DENND1A: variants seen among roughly 807,000 people sequenced by gnomAD.
DENND1A encodes the protein DENN domain-containing protein 1A.
A neutral mutation model predicts 113.7 loss-of-function variants in DENND1A; 51 were observed. The ratio of observed to expected loss-of-function variants is 0.45; its 90% CI spans 0.36 to 0.57. The LOEUF (loss-of-function observed/expected upper bound fraction) is 0.57, where lower values mean the gene tolerates loss of function less well. Among genes scored for constraint, DENND1A ranks in the 20% least tolerant of loss-of-function variants. DENND1A has a pLI of 0.00. For missense variants in DENND1A, 1,258 were observed against 1,395.9 expected, an observed-to-expected ratio of 0.90 and a Z score of 1.57; for synonymous variants, 565 against 570.8, an observed-to-expected ratio of 0.99 and a Z score of 0.14.
At chr9:123,507,825 A>AAAAT (rs35086659) in intron 13 of DENND1A, among the ~76,000 whole-genome samples, 23,189 of 148,774 alleles carry the variant, frequency 0.16, 2,392 homozygotes, top group African/African-American at 0.29. Flanking sequence ...AACCTATCTC[A>AAAAT]AAATAAATAA....
intron 13 of DENND1A, among the ~76,000 whole-genome samples, chr9:123,496,035 A>T (rs575712158): frequency 6.6e-6 from 1 of 152,388 alleles, no homozygotes; most frequent in South Asian, 2.1e-4. Context: ...GTCTCTGAAC[A>T]GAGCATTACG....
At chr9:123,442,751 T>A (rs1047765035) in intron 18 of DENND1A, among the ~76,000 whole-genome samples, 8 of 152,326 alleles carry the variant, frequency 5.3e-5, no homozygotes, top group Admixed American at 2.0e-4. Context: ...AAAAATACTA[T>A]CGTCTAGTTT....
intron 3 of DENND1A, among the ~76,000 whole-genome samples, chr9:123,777,111 G>A (rs1431813630): frequency 6.6e-6 from 1 of 152,116 alleles, no homozygotes; most frequent in African/African-American, 2.4e-5. Flanking sequence ...ACTCTGTATT[G>A]TGGCTACAGA....
chr9:123,471,950 C>G (rs2049461206), intron 13 of DENND1A, among the ~76,000 whole-genome samples: 1 of 152,194 alleles, frequency 6.6e-6, no homozygotes, highest in South Asian at 2.1e-4. Flanking sequence ...GATGGGGATT[C>G]TGTACCGCCC....
chr9:123,521,305 C>T (rs1464421568), intron 13 of DENND1A, among the ~76,000 whole-genome samples: 2 of 152,220 alleles, frequency 1.3e-5, no homozygotes, highest in African/African-American at 4.8e-5. Flanking sequence ...ACATATGCAA[C>T]ACCCATGCTC....
At chr9:123,776,758 C>A (rs1425164927) in intron 3 of DENND1A, among the ~76,000 whole-genome samples, 1 of 152,138 alleles carries the variant, frequency 6.6e-6, no homozygotes, top group Non-Finnish European at 1.5e-5. Flanking sequence ...CAGACAAGGA[C>A]AAATTTATGC....
At chr9:123,696,409 C>T (rs1208577476) in intron 5 of DENND1A, among the ~76,000 whole-genome samples, 2 of 152,156 alleles carry the variant, frequency 1.3e-5, no homozygotes, top group Non-Finnish European at 2.9e-5. Flanking sequence ...AAACAAAACA[C>T]ATTATCGGAA....
At chr9:123,586,999 G>T (rs1378263937) in intron 11 of DENND1A, among the ~76,000 whole-genome samples, 1 of 151,950 alleles carries the variant, frequency 6.6e-6, no homozygotes, top group African/African-American at 2.4e-5. Flanking sequence ...CTCTCTCTTT[G>T]TTCCCAGGTG....
intron 1 of DENND1A, among the ~76,000 whole-genome samples, chr9:123,889,484 C>G (rs1047387363): frequency 6.6e-6 from 1 of 152,116 alleles, no homozygotes; most frequent in Non-Finnish European, 1.5e-5. Flanking sequence ...ATTAGGCTTT[C>G]AAATACCGTC....
chr9:123,844,690 T>C (rs1030484171), intron 2 of DENND1A, among the ~76,000 whole-genome samples: 1 of 152,194 alleles, frequency 6.6e-6, no homozygotes, highest in Non-Finnish European at 1.5e-5. Context: ...AAATCCCAGC[T>C]GGGCTTTTTG....
At chr9:123,928,999 G>C (rs1330960081) in intron 1 of DENND1A, 5 of 776,446 alleles carry the variant, frequency 6.4e-6, no homozygotes, top group Non-Finnish European at 7.8e-6. Flanking sequence ...AACATCTCCA[G>C]TTCTGGGGCA....
chr9:123,707,888 TAG>T (rs2066332342), intron 5 of DENND1A, among the ~76,000 whole-genome samples: 1 of 151,912 alleles, frequency 6.6e-6, no homozygotes, highest in Admixed American at 6.6e-5. Context: ...GAAGATCAAG[TAG>T]AGAGGGGGAA....
At chr9:123,643,291 T>A (rs941763842) in intron 9 of DENND1A, among the ~76,000 whole-genome samples, 10 of 152,160 alleles carry the variant, frequency 6.6e-5, no homozygotes, top group Admixed American at 3.9e-4. Context: ...TGAGATACCA[T>A]CAGAAAAGTA....
intron 13 of DENND1A, among the ~76,000 whole-genome samples, chr9:123,547,570 C>A (rs1049883878): frequency 6.6e-6 from 1 of 152,064 alleles, no homozygotes; most frequent in Admixed American, 6.6e-5. Context: ...TTAAATGACT[C>A]TGATTTTCAA....
chr9:123,505,696 C>T (rs2052865830), intron 13 of DENND1A, among the ~76,000 whole-genome samples: 2 of 152,072 alleles, frequency 1.3e-5, no homozygotes, highest in Non-Finnish European at 2.9e-5. Context: ...ATGGCTGAAC[C>T]GGAACGTGAA....
intron 8 of DENND1A, among the ~76,000 whole-genome samples, chr9:123,658,886 T>G (rs1047492960): frequency 3.3e-5 from 5 of 152,220 alleles, no homozygotes; most frequent in Admixed American, 1.3e-4. Context: ...ATTTCTTAGA[T>G]GGGCAGAGAG....
intron 2 of DENND1A, among the ~76,000 whole-genome samples, chr9:123,862,794 G>A (rs1845231549): frequency 6.6e-6 from 1 of 152,114 alleles, no homozygotes; most frequent in Non-Finnish European, 1.5e-5. Flanking sequence ...AGTATTAACT[G>A]GTCTTATTTT....
chr9:123,839,564 G>T (rs910704237), intron 2 of DENND1A, among the ~76,000 whole-genome samples: 4 of 152,106 alleles, frequency 2.6e-5, no homozygotes, highest in Admixed American at 2.6e-4. Flanking sequence ...TCCAATAATT[G>T]TTAAGGAAAT....
At chr9:123,847,347 C>T (rs1442531544) in intron 2 of DENND1A, among the ~76,000 whole-genome samples, 4 of 152,090 alleles carry the variant, frequency 2.6e-5, no homozygotes, top group Admixed American at 6.5e-5. Flanking sequence ...GTTCTAAGTC[C>T]TCAGATTCAA....
Sources: allele counts gnomAD v4.1 joint callset (sites outside exome capture counted in the v4.1 genomes callset), GRCh38; gene constraint gnomAD v4.1.1; transcripts MANE v1.5; gene names NCBI Gene and HGNC (gene_info 2026-07-23, HGNC 2026-07-21).